Variants in CSTF2T observed in about 807,000 individuals in gnomAD.
The protein encoded by CSTF2T is cleavage stimulation factor subunit 2 tau variant, also known as CF-1 64 kDa subunit tau.
A neutral mutation model predicts 39.9 loss-of-function variants in CSTF2T; 18 were observed. The observed-to-expected ratio is 0.45, with a 90% CI of 0.31 to 0.67. The LOEUF (loss-of-function observed/expected upper bound fraction) is 0.67, where lower values mean the gene tolerates loss of function less well. Ranked by LOEUF, CSTF2T falls within the 30% of genes least tolerant of loss-of-function variation. CSTF2T has a pLI of 0.06. For missense variants in CSTF2T, 681 were observed against 789.0 expected (o/e 0.86, Z 1.64); for synonymous variants, 291 against 276.4 (o/e 1.05, Z -0.52).
chr10:51,699,339 G>C lies in CSTF2T; in HGVS notation c.211C>G (p.Leu71Val). The change falls in exon 1 of 1, where the codon CTT becomes GTT. Residue 71 changes from leucine to valine, a missense_variant. Physicochemically the swap from Leu to Val is conservative, Grantham distance 32 (BLOSUM62 1). This residue lies in a region of CSTF2T where 65 missense variants were observed against 134.2 expected (regional missense o/e 0.48). Coordinates refer to ENST00000331173, the MANE Select transcript of CSTF2T (RefSeq NM_015235.3). Reference protein sequence around the residue: ...FCEYQDQETALSAMRNLNGRE... With the variant: ...FCEYQDQETAVSAMRNLNGRE... Reference sequence around the variant, plus strand: ...CCATTGAGGTTCCGCATGGCACTAAGCGCGGTCTCCTGGTCTTGGTATTCG... The same window carrying C: ...CCATTGAGGTTCCGCATGGCACTAACCGCGGTCTCCTGGTCTTGGTATTCG... 2 of 1,614,122 alleles carry C rather than the reference G, an allele frequency of 1.2e-6. No homozygotes were observed. The highest frequency in any genetic ancestry group is 1.7e-6 in the Non-Finnish European group (2 of 1,180,018).
At position 51,696,454 on chromosome 10, in the gene CSTF2T, T is replaced by G. The variant is rs1841295762; in HGVS notation, c.*1245A>C. 2.0e-5 allele frequency: 3 copies of G among 151,738 alleles called. No homozygotes were observed. Among genetic ancestry groups the G allele is most frequent in the Non-Finnish European group, 4.4e-5 (3 of 67,944 alleles). The allele number at this position is 151,738 out of a possible 1,614,324, so 9.4% of individuals were successfully genotyped here. On this transcript the variant is annotated 3_prime_UTR_variant, in exon 1 of 1. Coordinates refer to ENST00000331173, the MANE Select transcript of CSTF2T (RefSeq NM_015235.3). Reference sequence around the variant, plus strand: ...GGAAGGATGTAAGAGAATTACTGACTCAGATTTAGGGTTTAAAGACTATTG... The same window carrying G: ...GGAAGGATGTAAGAGAATTACTGACGCAGATTTAGGGTTTAAAGACTATTG...
At position 51,697,287 on chromosome 10, in the gene CSTF2T, A is replaced by G. The variant is rs1841320471; in HGVS notation, c.*412T>C. The G allele has an allele frequency of 6.2e-6, 1 of 161,744 alleles. No individual in the cohort carries two copies. Among genetic ancestry groups the G allele is most frequent in the Non-Finnish European group, 1.3e-5 (1 of 74,706 alleles). The allele number at this position is 161,744 out of a possible 1,614,324, so 10.0% of individuals were successfully genotyped here. ...TGGGTAAACTTTTATTTTGTTATAC[A>G]ACCAAAAATCTTAAAACTATCTTAG... On this transcript the variant is annotated 3_prime_UTR_variant, in exon 1 of 1. Transcript: ENST00000331173.
At position 51,699,104 on chromosome 10, in the gene CSTF2T, A is replaced by C. The variant is rs780440813; in HGVS notation, c.446T>G (p.Leu149Arg). The C allele has an allele frequency of 1.9e-6, 3 of 1,614,196 alleles. No individual in the cohort carries two copies. The highest frequency in any genetic ancestry group is 1.1e-5 in the South Asian group (1 of 91,086). Residue 149 changes from leucine (L) to arginine (R), a missense_variant, in exon 1 of 1, where the codon CTC becomes CGC. By Grantham distance (102) the Leu-to-Arg change is moderately radical. This residue lies in a region of CSTF2T where 329 missense variants were observed against 344.1 expected (regional missense o/e 0.96). Transcript: ENST00000331173. ...TTCCTGGTGGCTGTTTTGGACACAG[A>C]GCTTCATCTGCTTCATCAGCTCAAA... is the stretch of plus-strand genomic sequence containing the variant. Reference protein sequence around the residue: ...QMFELMKQMKLCVQNSHQEAR... With the variant: ...QMFELMKQMKRCVQNSHQEAR...
rs773843170 is a variant in CSTF2T, at chr10:51,697,501, G to A, written c.*198C>T. 2.0e-5 allele frequency: 12 copies of A among 592,910 alleles called. No homozygotes were observed. The highest frequency in any genetic ancestry group is 5.6e-5 in the East Asian group (2 of 35,576). 36.7% of individuals were successfully genotyped at this position (592,910 alleles called of 1,614,324 possible). On this transcript the variant is annotated 3_prime_UTR_variant, in exon 1 of 1. Coordinates refer to ENST00000331173, the MANE Select transcript of CSTF2T (RefSeq NM_015235.3). ...TTAAAGTAACTTAAAGTGAACAGAC[G>A]CACTCCCTCCTCCCCCCACCCTCAA...
In CSTF2T at chr10:51,697,902, C is replaced by G. The variant is rs1166761636; in HGVS notation, c.1648G>C (p.Gly550Arg). ...TGGCTTCCACCTTGCTTGCTTGCCC[C>G]CTGTATACCTCCTCCTTGTATACCT... The part of the protein sequence containing the change: ...GGGIQGGGIQ[G>R]ASKQGGSQPS... Residue 550 changes from glycine (G) to arginine (R), a missense_variant, in exon 1 of 1, where the codon GGG becomes CGG. Gly to Arg is a moderately radical substitution (Grantham distance 125). This residue lies in a region of CSTF2T where 282 missense variants were observed against 289.2 expected (regional missense o/e 0.98). Transcript: ENST00000331173. 20 of 1,608,490 alleles carry G rather than the reference C, an allele frequency of 1.2e-5. 1 individual carries two copies. In the South Asian group the frequency reaches 2.1e-4, roughly 17 times the overall value.
In CSTF2T at chr10:51,696,307, A is replaced by T. The variant is rs959147080; in HGVS notation, c.*1392T>A. 2 of 152,176 alleles carry T rather than the reference A, an allele frequency of 1.3e-5. No homozygotes were observed. Among genetic ancestry groups the T allele is most frequent in the Non-Finnish European group, 2.9e-5 (2 of 68,032 alleles). 9.4% of individuals were successfully genotyped at this position (152,176 alleles called of 1,614,324 possible). On this transcript the variant is annotated 3_prime_UTR_variant, in exon 1 of 1. Coordinates refer to ENST00000331173, the MANE Select transcript of CSTF2T (RefSeq NM_015235.3). ...GGTGGAGCAAATGGACACCATCTGT[A>T]TAAGAAAGCCAGATACCAAGAAACT...
At position 51,697,970 on chromosome 10, in the gene CSTF2T, C is replaced by T; in HGVS notation, c.1580G>A (p.Gly527Glu). The T allele has an allele frequency of 1.2e-6, 2 of 1,604,984 alleles. No individual in the cohort carries two copies. The change falls in exon 1 of 1, where the codon GGG becomes GAG. Residue 527 changes from glycine (G) to glutamate (E), a missense_variant. Around this residue, in one of 4 missense-constraint regions of CSTF2T, gnomAD observed 282 missense variants for 289.2 expected, o/e 0.98. Transcript: ENST00000331173. ...TCCTTGTATGCCTGCCCCCTGCATC[C>T]CTCCTCCTTGTATGCCTGCTCCCTG... The part of the protein sequence containing the change: ...GMQGAGIQGG[G>E]MQGAGIQGVS...
In CSTF2T at chr10:51,698,887, G is replaced by A. The variant is rs1224143970; in HGVS notation, c.663C>T (p.Leu221=). 7 of 1,613,672 alleles carry A rather than the reference G, an allele frequency of 4.3e-6. No individual in the cohort carries two copies. Among genetic ancestry groups the A allele is most frequent in the Non-Finnish European group, 5.9e-6 (7 of 1,179,668 alleles). Reference sequence around the variant, plus strand: ...TCAGCAGAACATTAGGTCCTGGGCAGAGCCCAGGGCCAGGGCCAGGGCCAG... The same window carrying A: ...TCAGCAGAACATTAGGTCCTGGGCAAAGCCCAGGGCCAGGGCCAGGGCCAG... ...SGPGPGPGPG[L]CPGPNVLLNQ... is the part of the protein sequence containing the mutation. The change falls in exon 1 of 1, where the codon CTC becomes CTT. Residue 221 remains leucine, a synonymous_variant. Coordinates refer to ENST00000331173, the MANE Select transcript of CSTF2T (RefSeq NM_015235.3).
At position 51,698,943 on chromosome 10, in the gene CSTF2T, C is replaced by T. The variant is rs1413722456; in HGVS notation, c.607G>A (p.Gly203Ser). 26 of 1,614,206 alleles carry T rather than the reference C, an allele frequency of 1.6e-5. No individual in the cohort carries two copies. The highest frequency in any genetic ancestry group is 2.2e-5 in the Non-Finnish European group (26 of 1,180,030). ...GAGACAGACACAGACTGAGATTTGC[C>T]TGGGATCAGTGGTGTGACATGTATC... ...RKIHVTPLIP[G>S]KSQSVSVSGP... The change falls in exon 1 of 1, where the codon GGC (glycine) becomes AGC (serine). Residue 203 changes from glycine to serine, a missense_variant. Physicochemically the swap from Gly to Ser is moderately conservative, Grantham distance 56. Coordinates refer to ENST00000331173, the MANE Select transcript of CSTF2T (RefSeq NM_015235.3).
Position 51,698,246 on chromosome 10 carries a change from C to T in CSTF2T, c.1304G>A (p.Arg435Lys). Residue 435 changes from arginine to lysine, a missense_variant, in exon 1 of 1, where the codon AGG (arginine) becomes AAG (lysine). By Grantham distance (26) the Arg-to-Lys change is conservative. Around this residue, in one of 4 missense-constraint regions of CSTF2T, gnomAD observed 282 missense variants for 289.2 expected, o/e 0.98. Transcript: ENST00000331173. ...TEVLETRVMERRGMETCAMET... is the reference protein window; with the variant it reads ...TEVLETRVMEKRGMETCAMET... ...CATCGCACAGGTCTCCATTCCTCTC[C>T]TCTCCATTACACGTGTCTCTAAGAC... The T allele has an allele frequency of 6.2e-7, 1 of 1,614,160 alleles. No individual in the cohort carries two copies. The highest frequency in any genetic ancestry group is 1.1e-5 in the South Asian group (1 of 91,082).
chr10:51,697,998 T>A lies in CSTF2T; in HGVS notation c.1552A>T (p.Met518Leu). 6.2e-7 allele frequency: 1 copy of A among 1,612,820 alleles called. No individual in the cohort carries two copies. Among genetic ancestry groups the A allele is most frequent in the Non-Finnish European group, 8.5e-7 (1 of 1,179,372 alleles). The change falls in exon 1 of 1, where the codon ATG (methionine) becomes TTG (leucine). Residue 518 changes from methionine (M) to leucine (L), a missense_variant. Physicochemically the swap from Met to Leu is conservative, Grantham distance 15 (BLOSUM62 2). Coordinates refer to ENST00000331173, the MANE Select transcript of CSTF2T (RefSeq NM_015235.3). ...MQGTGIQGTG[M>L]QGAGIQGGGM... is the part of the protein sequence containing the mutation. ...CCTCCTTGTATGCCTGCTCCCTGCATGCCTGTTCCTTGTATGCCTGTACCC... is the reference window on the plus strand; with the variant it reads ...CCTCCTTGTATGCCTGCTCCCTGCAAGCCTGTTCCTTGTATGCCTGTACCC...
chr10:51,698,589 G>C lies in CSTF2T; in HGVS notation c.961C>G (p.Pro321Ala), dbSNP rs761016675. The change falls in exon 1 of 1, where the codon CCT (proline) becomes GCT (alanine). Residue 321 changes from proline (P) to alanine (A), a missense_variant. Physicochemically the swap from Pro to Ala is conservative, Grantham distance 27. This residue lies in a region of CSTF2T where 329 missense variants were observed against 344.1 expected (regional missense o/e 0.96). Coordinates refer to ENST00000331173, the MANE Select transcript of CSTF2T (RefSeq NM_015235.3). ...RAPIPRGPVT[P>A]GGLPPRGLLG... is the part of the protein sequence containing the mutation. ...AGTCCTCGAGGAGGCAGACCACCAGGAGTCACGGGTCCGCGAGGTATAGGA... is the reference window on the plus strand; with the variant it reads ...AGTCCTCGAGGAGGCAGACCACCAGCAGTCACGGGTCCGCGAGGTATAGGA... 3 of 1,613,842 alleles carry C rather than the reference G, an allele frequency of 1.9e-6. No homozygotes were observed. The highest frequency in any genetic ancestry group is 2.5e-6 in the Non-Finnish European group (3 of 1,180,030).
chr10:51,699,572 G>A lies in CSTF2T; in HGVS notation c.-23C>T, dbSNP rs759919522. Reference sequence around the variant, plus strand: ...CATGATTCCGGTTGTGCAGACAGCCGATAGCGGATTCTTCGAGGCGTCTGT... The same window carrying A: ...CATGATTCCGGTTGTGCAGACAGCCAATAGCGGATTCTTCGAGGCGTCTGT... On this transcript the variant is annotated 5_prime_UTR_variant, in exon 1 of 1. Transcript: ENST00000331173. 8.2e-6 allele frequency: 13 copies of A among 1,587,870 alleles called. No individual in the cohort carries two copies. The highest frequency in any genetic ancestry group is 8.6e-6 in the Non-Finnish European group (10 of 1,167,328).
Position 51,696,200 on chromosome 10 carries a change from A to C in CSTF2T, c.*1499T>G, listed in dbSNP as rs184020815. 6.6e-6 allele frequency: 1 copy of C among 152,316 alleles called. No homozygotes were observed. The allele number at this position is 152,316 out of a possible 1,614,324, so 9.4% of individuals were successfully genotyped here. A position where few individuals can be genotyped will look rare whatever the true frequency, so the allele number is the denominator to read the frequency against. ...GGCCTTGATTATTCCTGGTAAGATGATTAATGATAGAAAAGTAGATTATGA... is the reference window on the plus strand; with the variant it reads ...GGCCTTGATTATTCCTGGTAAGATGCTTAATGATAGAAAAGTAGATTATGA... On this transcript the variant is annotated 3_prime_UTR_variant, in exon 1 of 1. Coordinates refer to ENST00000331173, the MANE Select transcript of CSTF2T (RefSeq NM_015235.3).
At position 51,695,533 on chromosome 10, in the gene CSTF2T, T is replaced by C. The variant is rs1841266286; in HGVS notation, c.*2166A>G. ...TTTCTGCATGAAACAATGCAGAGATTTGACTAAAGACTAACATTTAATAAT... is the reference window on the plus strand; with the variant it reads ...TTTCTGCATGAAACAATGCAGAGATCTGACTAAAGACTAACATTTAATAAT... On this transcript the variant is annotated 3_prime_UTR_variant, in exon 1 of 1. Transcript: ENST00000331173. The C allele has an allele frequency of 6.6e-6, 1 of 152,202 alleles. No individual in the cohort carries two copies. Among genetic ancestry groups the C allele is most frequent in the Non-Finnish European group, 1.5e-5 (1 of 68,026 alleles). 9.4% of individuals were successfully genotyped at this position (152,202 alleles called of 1,614,324 possible).
chr10:51,699,554 C>A lies in CSTF2T; in HGVS notation c.-5G>T, dbSNP rs780056509. 6.2e-7 allele frequency: 1 copy of A among 1,605,204 alleles called. No individual in the cohort carries two copies. Among genetic ancestry groups the A allele is most frequent in the African/African-American group, 1.3e-5 (1 of 74,656 alleles). On this transcript the variant is annotated 5_prime_UTR_variant, in exon 1 of 1. Transcript: ENST00000331173. ...TCTCACCGCCAAACTCGACATGATT[C>A]CGGTTGTGCAGACAGCCGATAGCGG... is the stretch of plus-strand genomic sequence containing the variant.
chr10:51,698,224 C>G lies in CSTF2T; in HGVS notation c.1326G>C (p.Ala442=), dbSNP rs200607148. The G allele has an allele frequency of 6.2e-7, 1 of 1,614,146 alleles. No individual in the cohort carries two copies. Residue 442 remains alanine (A), a synonymous_variant, in exon 1 of 1, where the codon GCG becomes GCC. Coordinates refer to ENST00000331173, the MANE Select transcript of CSTF2T (RefSeq NM_015235.3). ...VMERRGMETC[A]METRGMEARG... ...TTGCTTCCATCCCTCTGGTTTCCAT[C>G]GCACAGGTCTCCATTCCTCTCCTCT...
chr10:51,698,298 T>C lies in CSTF2T; in HGVS notation c.1252A>G (p.Met418Val). 1 of 1,614,146 alleles carries C rather than the reference T, an allele frequency of 6.2e-7. No homozygotes were observed. The highest frequency in any genetic ancestry group is 1.3e-5 in the African/African-American group (1 of 75,036). Reference protein sequence around the residue: ...DGRGGRDSRAMETRAMETEVL... With the variant: ...DGRGGRDSRAVETRAMETEVL... ...TCAGTTTCCATGGCACGAGTCTCCA[T>C]CGCTCGAGAATCTCTACCACCTCTA... Residue 418 changes from methionine to valine, a missense_variant, in exon 1 of 1, where the codon ATG (methionine) becomes GTG (valine). Physicochemically the swap from Met to Val is conservative, Grantham distance 21. This residue lies in a region of CSTF2T where 282 missense variants were observed against 289.2 expected (regional missense o/e 0.98). Transcript: ENST00000331173.
At position 51,697,670 on chromosome 10, in the gene CSTF2T, G is replaced by A. The variant is rs766347859; in HGVS notation, c.*29C>T. 3.1e-6 allele frequency: 5 copies of A among 1,607,952 alleles called. No homozygotes were observed. Among genetic ancestry groups the A allele is most frequent in the Non-Finnish European group, 4.2e-6 (5 of 1,176,902 alleles). The stretch of plus-strand genomic sequence containing the variant: ...CTCCATGCTACAGAATAAAATTTGA[G>A]ACTACAGCCAAATATTTTCTAAAAC... On this transcript the variant is annotated 3_prime_UTR_variant, in exon 1 of 1. Coordinates refer to ENST00000331173, the MANE Select transcript of CSTF2T (RefSeq NM_015235.3).
Sources: allele counts gnomAD v4.1 joint callset, GRCh38; gene constraint gnomAD v4.1.1; regional missense constraint gnomAD v4.1.1; transcripts MANE v1.5; gene names NCBI Gene and HGNC (gene_info 2026-07-23, HGNC 2026-07-21).